The following AOPEP variants were observed in gnomAD, a reference collection of about 807,000 sequenced individuals.
The protein encoded by AOPEP is aminopeptidase O (putative).
Under a neutral mutation model 98.1 loss-of-function variants are expected in AOPEP, and 77 were observed. That is an observed-to-expected ratio of 0.78 (90% CI 0.65 to 0.95). The LOEUF (loss-of-function observed/expected upper bound fraction) is 0.95, where lower values mean the gene tolerates loss of function less well. AOPEP is among the 40% of genes least tolerant of loss of function. The pLI is 0.00. For synonymous variants in AOPEP, 346 were observed against 365.3 expected (o/e 0.95, Z 0.60); for missense variants, 1,024 against 1,024.7 (o/e 1.00, Z 0.01).
At chr9:94,828,253 G>A (rs10993362) in intron 5 of AOPEP, among the ~76,000 whole-genome samples, 1 of 152,034 alleles carries the variant, frequency 6.6e-6, no homozygotes, top group Admixed American at 6.5e-5. Context: ...TTAGTTTCTT[G>A]TGCTTTTGGT....
chr9:94,729,834 A>G (rs370175106), intron 1 of AOPEP, among the ~76,000 whole-genome samples: 38 of 152,322 alleles, frequency 2.5e-4, no homozygotes, highest in African/African-American at 8.2e-4. Flanking sequence ...CAGAGGAAGC[A>G]GATGGATTGG....
At chr9:94,876,725 A>G (rs1053671523) in intron 5 of AOPEP, among the ~76,000 whole-genome samples, 1 of 151,786 alleles carries the variant, frequency 6.6e-6, no homozygotes, top group Non-Finnish European at 1.5e-5. Flanking sequence ...ATCTAAGGCT[A>G]CCTTTTAAAT....
chr9:94,802,857 T>G (rs1030544669), intron 5 of AOPEP, among the ~76,000 whole-genome samples: 1 of 152,168 alleles, frequency 6.6e-6, no homozygotes, highest in African/African-American at 2.4e-5. Flanking sequence ...TGTGGTCTCT[T>G]CCACTGCCAG....
At chr9:95,128,738 T>C in the AOPEP span, among the ~76,000 whole-genome samples, 2 of 152,228 alleles carry the variant, frequency 1.3e-5, no homozygotes, top group Non-Finnish European at 2.9e-5. Context: ...TTCTTCCCCA[T>C]ACAGATGGAC....
chr9:94,915,914 T>C (rs375742292), intron 5 of AOPEP, among the ~76,000 whole-genome samples: 1 of 152,198 alleles, frequency 6.6e-6, no homozygotes, highest in Non-Finnish European at 1.5e-5. Context: ...AAGATTTGAT[T>C]TGTGGACCCA....
chr9:95,132,481 T>C, the AOPEP span, among the ~76,000 whole-genome samples: 1 of 152,198 alleles, frequency 6.6e-6, no homozygotes, highest in Non-Finnish European at 1.5e-5. Context: ...GTGCCCATGC[T>C]GTCAAGGAAA....
chr9:95,143,508 A>C, the AOPEP span, among the ~76,000 whole-genome samples: 4 of 152,158 alleles, frequency 2.6e-5, no homozygotes, highest in African/African-American at 4.8e-5. Context: ...TGAATAATAA[A>C]AGATGCTCTT....
At chr9:95,083,776 G>T (rs2070220133) in intron 16 of AOPEP, among the ~76,000 whole-genome samples, 1 of 152,214 alleles carries the variant, frequency 6.6e-6, no homozygotes, top group African/African-American at 2.4e-5. Flanking sequence ...CGTGGCATAT[G>T]GCCTCCATGA....
intron 14 of AOPEP, among the ~76,000 whole-genome samples, chr9:95,070,216 C>T (rs932473827): frequency 2.6e-4 from 39 of 152,232 alleles, no homozygotes; most frequent in African/African-American, 9.2e-4. Context: ...CCCCCCTTAC[C>T]AGCCAGTCAG....
chr9:94,869,971 A>ATTTTTTTTTTTTTTTTTTTTT (rs10556167), intron 5 of AOPEP, among the ~76,000 whole-genome samples: 2 of 93,554 alleles, frequency 2.1e-5, no homozygotes, highest in African/African-American at 4.4e-5. Flanking sequence ...GAAGCCATGA[A>ATTTTTTTTTTTTTTTTTTTTT]TTTTTTTTTT....
chr9:94,729,210 GAA>G (rs1829951802), intron 1 of AOPEP, among the ~76,000 whole-genome samples: 1 of 152,196 alleles, frequency 6.6e-6, no homozygotes, highest in Admixed American at 6.5e-5. Context: ...TCAGAAGGAT[GAA>G]AGAGCAAGAG....
intron 3 of AOPEP, among the ~76,000 whole-genome samples, chr9:94,782,382 A>C (rs1168206877): frequency 2.6e-5 from 4 of 152,150 alleles, no homozygotes; most frequent in Non-Finnish European, 1.5e-5. Context: ...TTTAGTGCAA[A>C]AGTAAGACTG....
At chr9:94,834,590 C>G (rs561002767) in intron 5 of AOPEP, among the ~76,000 whole-genome samples, 15 of 152,136 alleles carry the variant, frequency 9.9e-5, no homozygotes, top group African/African-American at 3.6e-4. Context: ...GCCAGTAGTT[C>G]CAGATCATTG....
At chr9:95,104,040 G>A in the AOPEP span, among the ~76,000 whole-genome samples, 1 of 152,144 alleles carries the variant, frequency 6.6e-6, no homozygotes, top group Non-Finnish European at 1.5e-5. Context: ...CTGTAGGAGG[G>A]AAAGGCCGTC....
At chr9:94,849,285 C>T (rs2043234559) in intron 5 of AOPEP, among the ~76,000 whole-genome samples, 1 of 152,082 alleles carries the variant, frequency 6.6e-6, no homozygotes, top group Admixed American at 6.6e-5. Flanking sequence ...TACTGATAAT[C>T]CTGACTCCAA....
intron 11 of AOPEP, among the ~76,000 whole-genome samples, chr9:94,985,872 T>C (rs2060483863): frequency 6.6e-6 from 1 of 152,204 alleles, no homozygotes; most frequent in Admixed American, 6.6e-5. Flanking sequence ...GTCATCACAG[T>C]CACTTCCGTT....
At chr9:94,749,853 TG>T (rs1162026288) in intron 1 of AOPEP, among the ~76,000 whole-genome samples, 3 of 152,246 alleles carry the variant, frequency 2.0e-5, no homozygotes, top group Non-Finnish European at 2.9e-5. Context: ...CCATTCAAGT[TG>T]GTCTCTACTA....
chr9:94,862,038 G>T (rs970779833), intron 5 of AOPEP, among the ~76,000 whole-genome samples: 3 of 152,210 alleles, frequency 2.0e-5, no homozygotes, highest in Non-Finnish European at 4.4e-5. Context: ...GTTTGTGAGT[G>T]ATTAAATTCC....
intron 5 of AOPEP, among the ~76,000 whole-genome samples, chr9:94,901,546 C>G (rs1273734929): frequency 6.6e-6 from 1 of 152,098 alleles, no homozygotes; most frequent in Admixed American, 6.6e-5. Flanking sequence ...CTCAGTATCT[C>G]ACATACCTTT....
Sources: gnomAD v4.1 joint callset for allele counts (sites outside exome capture counted in the v4.1 genomes callset) on GRCh38, gnomAD v4.1.1 for gene constraint, MANE v1.5 for transcripts, NCBI Gene and HGNC (gene_info 2026-07-23, HGNC 2026-07-21) for gene names.